PCDHGA10: variants seen among roughly 807,000 people sequenced by gnomAD.
PCDHGA10 encodes protocadherin gamma-A10.
In PCDHGA10, 42 loss-of-function variants were observed where a neutral mutation model predicts 59.5. The observed-to-expected ratio is 0.71, with a 90% CI of 0.55 to 0.91. PCDHGA10 has a LOEUF of 0.91. PCDHGA10 is among the 40% of genes least tolerant of loss of function. PCDHGA10 has a pLI of 0.00. For missense variants in PCDHGA10, 1,111 were observed against 1,198.2 expected, an observed-to-expected ratio of 0.93 and a Z score of 1.07; for synonymous variants, 511 against 517.2, an observed-to-expected ratio of 0.99 and a Z score of 0.16.
At chr5:141,419,084 G>A in intron 1 of PCDHGA10, 2 of 1,613,920 alleles carry the variant, frequency 1.2e-6, no homozygotes, top group Non-Finnish European at 1.7e-6. Flanking sequence ...AACAGATGAG[G>A]CCCTGGATCG....
At position 141,413,804 on chromosome 5, in the gene PCDHGA10, C is replaced by A; in HGVS notation, c.629C>A (p.Ala210Asp). The A allele has an allele frequency of 4.3e-6, 7 of 1,613,194 alleles. No individual in the cohort carries two copies. The highest frequency in any genetic ancestry group is 5.9e-6 in the Non-Finnish European group (7 of 1,179,880). ...CACTCCCTAGATCGCGAGGAAGAGG[C>A]CATTCACCACCTGGTCCTCACCGCC... ...LEHSLDREEE[A>D]IHHLVLTASD... Residue 210 changes from alanine (A) to aspartate (D), a missense_variant, in exon 1 of 4, where the codon GCC (alanine) becomes GAC (aspartate). Physicochemically the swap from Ala to Asp is moderately radical, Grantham distance 126 (BLOSUM62 -2). Transcript: ENST00000398610.
chr5:141,476,714 C>T lies in PCDHGA10; in HGVS notation c.2437-18093C>T, dbSNP rs146188020. On this transcript the variant is annotated intron_variant, in intron 1 of 3. Transcript: ENST00000398610. The surrounding 1 kb of genome is among the most constrained non-coding windows in gnomAD (Gnocchi z 7.6). ...CAAGTACGCGGAGCTGGTGTTGGAG[C>T]GCGCCCTGGACCGAGAACGGGAGCC... The T allele has an allele frequency of 6.2e-7, 1 of 1,614,154 alleles. No individual in the cohort carries two copies. The highest frequency in any genetic ancestry group is 8.5e-7 in the Non-Finnish European group (1 of 1,180,032).
Position 141,485,768 on chromosome 5 carries a change from C to A in PCDHGA10, c.2437-9039C>A, listed in dbSNP as rs759191157. 3.7e-6 allele frequency: 6 copies of A among 1,614,192 alleles called. No individual in the cohort carries two copies. Among genetic ancestry groups the A allele is most frequent in the Middle Eastern group, 1.6e-4 (1 of 6,062 alleles). On this transcript the variant is annotated intron_variant, in intron 1 of 3. Coordinates refer to ENST00000398610, the MANE Select transcript of PCDHGA10 (RefSeq NM_018913.3). The surrounding 1 kb of genome is among the most constrained non-coding windows in gnomAD (Gnocchi z 5.7). ...GGTCCCAGAGCTGCTCCTGGAGAAG[C>A]CTTTGGATCGAGAGAAGCAATCGGA...
rs979237199 is a variant in PCDHGA10, at chr5:141,477,828, G to C, written c.2437-16979G>C. On this transcript the variant is annotated intron_variant, in intron 1 of 3. Transcript: ENST00000398610. This position sits in a 1 kb window ranked among gnomAD's most constrained non-coding sequence, Gnocchi z 4.9. Reference sequence around the variant, plus strand: ...AATGCCCCCCAGGTCCTATATCCTCGGCCAGGTGGGAGCTCGGTGGAGATG... The same window carrying C: ...AATGCCCCCCAGGTCCTATATCCTCCGCCAGGTGGGAGCTCGGTGGAGATG... The C allele has an allele frequency of 3.7e-6, 6 of 1,614,082 alleles. No individual in the cohort carries two copies. The highest frequency in any genetic ancestry group is 3.4e-6 in the Non-Finnish European group (4 of 1,180,006).
chr5:141,490,611 G>A lies in PCDHGA10; in HGVS notation c.2437-4196G>A, dbSNP rs1442281165. 1 of 1,614,052 alleles carries A rather than the reference G, an allele frequency of 6.2e-7. No homozygotes were observed. The highest frequency in any genetic ancestry group is 1.3e-5 in the African/African-American group (1 of 74,914). On this transcript the variant is annotated intron_variant, in intron 1 of 3. Coordinates refer to ENST00000398610, the MANE Select transcript of PCDHGA10 (RefSeq NM_018913.3). This position sits in a 1 kb window ranked among gnomAD's most constrained non-coding sequence, Gnocchi z 5.4. ...ACAATGCACCCCGCTTCAACCAGCA[G>A]CTTTACACTGCTTACATCCTAGAAA...
intron 1 of PCDHGA10, chr5:141,429,216 T>A (rs1590916921): frequency 6.8e-6 from 1 of 146,786 alleles, no homozygotes; most frequent in Admixed American, 6.7e-5. Context: ...GTGTGAAAAG[T>A]GGGTATTATG....
intron 1 of PCDHGA10, among the ~76,000 whole-genome samples, chr5:141,482,104 A>T (rs11748215): frequency 0.23 from 34,477 of 150,324 alleles, 4,798 homozygotes; most frequent in African/African-American, 0.39. Context: ...AAAAAAAAAA[A>T]ATATCTAGAG....
chr5:141,418,350 T>A, intron 1 of PCDHGA10: 1 of 1,614,002 alleles, frequency 6.2e-7, no homozygotes, highest in Non-Finnish European at 8.5e-7. Context: ...GATATTAGTA[T>A]GAATTCGCTG....
intron 1 of PCDHGA10, chr5:141,423,597 G>A: frequency 6.2e-7 from 1 of 1,613,188 alleles, no homozygotes; most frequent in Non-Finnish European, 8.5e-7. Context: ...AGAAAAGCGA[G>A]CCACTCTTGA....
chr5:141,419,334 T>C (rs1260087339), intron 1 of PCDHGA10: 3 of 1,613,870 alleles, frequency 1.9e-6, no homozygotes, highest in Non-Finnish European at 8.5e-7. Flanking sequence ...TACTCTCTCA[T>C]TGCCAGCGAC....
rs756423770 is a variant in PCDHGA10 at position 141,430,950 on chromosome 5, T to G, written c.2436+15339T>G. 8 of 1,609,862 alleles carry G rather than the reference T, an allele frequency of 5.0e-6. No individual in the cohort carries two copies. The East Asian group carries it at 1.6e-4, about 31-fold the overall frequency. On this transcript the variant is annotated intron_variant, in intron 1 of 3. Coordinates refer to ENST00000398610, the MANE Select transcript of PCDHGA10 (RefSeq NM_018913.3). ...CCCCGGGAGCTCGCGGAGCGCGGAG[T>G]CCGCATCATCCCCAGAGGTAGGACG...
intron 1 of PCDHGA10, among the ~76,000 whole-genome samples, chr5:141,480,259 G>A (rs1285833242): frequency 2.0e-5 from 3 of 151,174 alleles, no homozygotes; most frequent in African/African-American, 7.3e-5. Flanking sequence ...AAAAAAATGT[G>A]TTTTCATTAG....
intron 1 of PCDHGA10, chr5:141,423,700 G>A (rs753612385): frequency 7.5e-7 from 1 of 1,324,816 alleles, no homozygotes; most frequent in Non-Finnish European, 9.8e-7. Context: ...TTGGTGTCTT[G>A]GCACAAGTCT....
In PCDHGA10 at chr5:141,491,921, A is replaced by T; in HGVS notation, c.2437-2886A>T. ...CCGGGGGTGGTGGCGACTGTGGGCG[A>T]GGGGAGGTGGGACCGACCCCCACCC... On this transcript the variant is annotated intron_variant, in intron 1 of 3. Coordinates refer to ENST00000398610, the MANE Select transcript of PCDHGA10 (RefSeq NM_018913.3). The surrounding 1 kb of genome is among the most constrained non-coding windows in gnomAD (Gnocchi z 6.9). The T allele has an allele frequency of 1.5e-6, 2 of 1,353,738 alleles. No homozygotes were observed. Among genetic ancestry groups the T allele is most frequent in the Non-Finnish European group, 2.0e-6 (2 of 1,013,388 alleles). 83.9% of individuals were successfully genotyped at this position (1,353,738 alleles called of 1,614,324 possible). A position where few individuals can be genotyped will look rare whatever the true frequency, so the allele number is the denominator to read the frequency against.
intron 1 of PCDHGA10, chr5:141,419,888 G>A: frequency 6.2e-7 from 1 of 1,614,056 alleles, no homozygotes; most frequent in Non-Finnish European, 8.5e-7. Context: ...GGATTTCAGC[G>A]ACCATCCCAC....
Position 141,491,522 on chromosome 5 carries a change from A to G in PCDHGA10, c.2437-3285A>G, listed in dbSNP as rs778246278. ...TCGGACGGCACGCTCAAGTACATGG[A>G]GGTGACGCTGCGGCCCACAGACTCG... is the stretch of plus-strand genomic sequence containing the variant. On this transcript the variant is annotated intron_variant, in intron 1 of 3. Coordinates refer to ENST00000398610, the MANE Select transcript of PCDHGA10 (RefSeq NM_018913.3). The surrounding 1 kb of genome is among the most constrained non-coding windows in gnomAD (Gnocchi z 6.9). 8.1e-6 allele frequency: 13 copies of G among 1,614,024 alleles called. No homozygotes were observed. Among genetic ancestry groups the G allele is most frequent in the Non-Finnish European group, 1.1e-5 (13 of 1,180,002 alleles).
chr5:141,485,993 A>C lies in PCDHGA10; in HGVS notation c.2437-8814A>C. 6.2e-7 allele frequency: 1 copy of C among 1,614,210 alleles called. No homozygotes were observed. Among genetic ancestry groups the C allele is most frequent in the Non-Finnish European group, 8.5e-7 (1 of 1,180,028 alleles). On this transcript the variant is annotated intron_variant, in intron 1 of 3. Coordinates refer to ENST00000398610, the MANE Select transcript of PCDHGA10 (RefSeq NM_018913.3). The surrounding 1 kb of genome is among the most constrained non-coding windows in gnomAD (Gnocchi z 5.7). ...TGCCTCAGACCCGGACCTGGGTCCC[A>C]GTGGTAACGTCACCTTTTATTTCAG...
At position 141,485,386 on chromosome 5, in the gene PCDHGA10, C is replaced by A. The variant is rs1044608807; in HGVS notation, c.2437-9421C>A. The stretch of plus-strand genomic sequence containing the variant: ...GGCTGCAGGTCGCTGGAGAGGTGAA[C>A]CAAAGACACTTCCGTGTGGATTTGG... On this transcript the variant is annotated intron_variant, in intron 1 of 3. Coordinates refer to ENST00000398610, the MANE Select transcript of PCDHGA10 (RefSeq NM_018913.3). This position sits in a 1 kb window ranked among gnomAD's most constrained non-coding sequence, Gnocchi z 5.7. 1.2e-6 allele frequency: 2 copies of A among 1,614,104 alleles called. No homozygotes were observed. The highest frequency in any genetic ancestry group is 8.5e-7 in the Non-Finnish European group (1 of 1,180,002).
At chr5:141,417,949 TGA>T (rs2096196504) in intron 1 of PCDHGA10, 1 of 1,613,400 alleles carries the variant, frequency 6.2e-7, no homozygotes, top group Non-Finnish European at 8.5e-7. Context: ...CCACGCTGTG[TGA>T]GCCGATCCGC....
Sources: allele counts gnomAD v4.1 joint callset (sites outside exome capture counted in the v4.1 genomes callset), GRCh38; gene constraint gnomAD v4.1.1; non-coding constraint Gnocchi (gnomAD v3.1); transcripts MANE v1.5; gene names NCBI Gene and HGNC (gene_info 2026-07-23, HGNC 2026-07-21).